STRN3: variants seen among roughly 807,000 people sequenced by gnomAD.
STRN3 encodes the protein striatin 3, also known as striatin-3.
A neutral mutation model predicts 95.6 loss-of-function variants in STRN3; 29 were observed. The observed-to-expected ratio is 0.30, with a 90% confidence interval of 0.23 to 0.41. STRN3 has a LOEUF of 0.41. Among genes scored for constraint, STRN3 ranks in the 10% least tolerant of loss-of-function variants. The pLI is 1.00. For missense variants in STRN3, 890 were observed against 972.1 expected, an observed-to-expected ratio of 0.92 and a Z score of 1.12; for synonymous variants, 331 against 357.6, an observed-to-expected ratio of 0.93 and a Z score of 0.84.
intron 1 of STRN3, among the ~76,000 whole-genome samples, chr14:30,992,441 G>GT (rs1362972521): frequency 6.6e-6 from 1 of 150,988 alleles, no homozygotes; most frequent in African/African-American, 2.4e-5. Flanking sequence ...AGAAAAAGAA[G>GT]TAAGTGTCTT....
In STRN3 at chr14:31,001,991, C is replaced by T. The variant is rs140687785; in HGVS notation, c.282+23913G>A. ...ACCAGCCTGACCAACATGGAGAAAC[C>T]CCATCTCTACTAAAAATACAAAAAA... On this transcript the variant is annotated intron_variant, in intron 1 of 17. Coordinates refer to ENST00000357479, the MANE Select transcript of STRN3 (RefSeq NM_001083893.2). Among the ~76,000 whole-genome samples, 781 of 151,282 alleles carry T rather than the reference C, an allele frequency of 5.2e-3. 3 individuals are homozygous for T. Among genetic ancestry groups the T allele is most frequent in the African/African-American group, 0.018 (724 of 41,148 alleles).
At chr14:30,985,983 TTCTC>T (rs375816763) in intron 1 of STRN3, among the ~76,000 whole-genome samples, 15 of 151,454 alleles carry the variant, frequency 9.9e-5, no homozygotes, top group Admixed American at 2.0e-4. Context: ...TGCATGCGCT[TTCTC>T]TCTCTCTCTC....
At chr14:30,935,046 T>TG in intron 7 of STRN3, 117 bp downstream of exon 7, 1 of 1,349,292 alleles carries the variant, frequency 7.4e-7, no homozygotes, top group Admixed American at 2.5e-5. Flanking sequence ...CACTTCCCCT[T>TG]GCTCTCCGTT....
At chr14:30,981,391 A>G (rs1487418537) in intron 1 of STRN3, among the ~76,000 whole-genome samples, 1 of 152,210 alleles carries the variant, frequency 6.6e-6, no homozygotes, top group Non-Finnish European at 1.5e-5. Context: ...AAAATTATTC[A>G]TGTGTATTCA....
chr14:30,907,819 AT>A (rs1336853768), intron 13 of STRN3, among the ~76,000 whole-genome samples: 1 of 152,166 alleles, frequency 6.6e-6, no homozygotes, highest in East Asian at 1.9e-4. Context: ...ACTGACAGAC[AT>A]TTGACAGCTG....
intron 1 of STRN3, among the ~76,000 whole-genome samples, chr14:30,978,222 C>CG (rs1881210246): frequency 6.6e-6 from 1 of 152,078 alleles, no homozygotes; most frequent in Non-Finnish European, 1.5e-5. Context: ...AAACGACAAA[C>CG]ATATCTCTCA....
chr14:31,022,271 T>C (rs1471882203), intron 1 of STRN3, among the ~76,000 whole-genome samples: 4 of 150,482 alleles, frequency 2.7e-5, no homozygotes, highest in African/African-American at 9.8e-5. Context: ...TCCCAGCTAC[T>C]GGGGAGGCTG....
chr14:30,988,516 T>C (rs1319658505), intron 1 of STRN3, among the ~76,000 whole-genome samples: 1 of 152,136 alleles, frequency 6.6e-6, no homozygotes, highest in Non-Finnish European at 1.5e-5. Context: ...TTAAAGCATA[T>C]CAATGAATGG....
chr14:30,899,551 A>G (rs756565665), intron 16 of STRN3, among the ~76,000 whole-genome samples: 1 of 152,100 alleles, frequency 6.6e-6, no homozygotes, highest in East Asian at 1.9e-4. Context: ...AATAGATTCT[A>G]TTTTCCTTCC....
intron 16 of STRN3, among the ~76,000 whole-genome samples, chr14:30,898,131 C>T (rs1594404497): frequency 6.6e-6 from 1 of 152,136 alleles, no homozygotes; most frequent in East Asian, 1.9e-4. Context: ...CACACGACAC[C>T]ATGCCTGGCT....
Position 30,983,321 on chromosome 14 carries a change from T to C in STRN3, c.283-27079A>G, listed in dbSNP as rs570538797. ...ACTTTGGGAGGCTGAGGTGGGAGGA[T>C]CGCCTGAGGTCAGGAGTTCAAGACC... is the stretch of plus-strand genomic sequence containing the variant. On this transcript the variant is annotated intron_variant, in intron 1 of 17. Coordinates refer to ENST00000357479, the MANE Select transcript of STRN3 (RefSeq NM_001083893.2). Among the ~76,000 whole-genome samples, 10 of 152,226 alleles carry C rather than the reference T, an allele frequency of 6.6e-5. No individual in the cohort carries two copies. In the South Asian group the frequency reaches 2.1e-3, roughly 32 times the overall value.
intron 1 of STRN3, among the ~76,000 whole-genome samples, chr14:30,983,524 G>A (rs896675347): frequency 1.1e-4 from 17 of 152,328 alleles, no homozygotes; most frequent in Middle Eastern, 6.8e-3. Flanking sequence ...TAGCCTAGGC[G>A]ACAGAGCGAG....
chr14:31,025,773 A>G, intron 1 of STRN3, 131 bp downstream of exon 1: 1 of 1,298,196 alleles, frequency 7.7e-7, no homozygotes, highest in South Asian at 1.4e-5. Flanking sequence ...GACCATCACA[A>G]CCTGAGCAGC....
chr14:31,007,836 A>G (rs179712), intron 1 of STRN3, among the ~76,000 whole-genome samples: 96,699 of 151,998 alleles, frequency 0.64, 31,754 homozygotes, highest in Non-Finnish European at 0.73. Flanking sequence ...AAGTTACAGT[A>G]AGCTATGATC....
intron 1 of STRN3, among the ~76,000 whole-genome samples, chr14:31,005,009 G>C (rs1882649788): frequency 6.6e-6 from 1 of 152,046 alleles, no homozygotes; most frequent in South Asian, 2.1e-4. Context: ...GGTGAAAAGA[G>C]GAAAGGTATG....
chr14:30,952,034 C>T (rs749546252), intron 3 of STRN3, among the ~76,000 whole-genome samples: 1 of 151,936 alleles, frequency 6.6e-6, no homozygotes, highest in South Asian at 2.1e-4. Context: ...AAAAGGATCG[C>T]TTGAACCCAG....
At chr14:30,901,124 G>C (rs959998748) in intron 16 of STRN3, among the ~76,000 whole-genome samples, 5 of 152,068 alleles carry the variant, frequency 3.3e-5, no homozygotes, top group Non-Finnish European at 5.9e-5. Flanking sequence ...ATAGTTCAAA[G>C]GATTGATTTG....
chr14:31,013,779 C>T (rs1412785278), intron 1 of STRN3, among the ~76,000 whole-genome samples: 1 of 147,884 alleles, frequency 6.8e-6, no homozygotes, highest in African/African-American at 2.5e-5. Context: ...TCTGTAGAAA[C>T]GGGGGGGGTC....
At position 30,935,155 on chromosome 14, in the gene STRN3, CA is replaced by C; in HGVS notation, c.988+7del. On this transcript the variant is annotated splice_region_variant and intron_variant, in intron 7 of 17. Coordinates refer to ENST00000357479, the MANE Select transcript of STRN3 (RefSeq NM_001083893.2). ...TTCCTCCCACCCGGTATTTCTTTATCACCTTACCCCATTCTGTGCCATCCCC... is the reference window on the plus strand; with the variant it reads ...TTCCTCCCACCCGGTATTTCTTTATCCCTTACCCCATTCTGTGCCATCCCC... 6.2e-7 allele frequency: 1 copy of C among 1,611,588 alleles called. No homozygotes were observed. Among genetic ancestry groups the C allele is most frequent in the Middle Eastern group, 1.7e-4 (1 of 6,038 alleles).
Sources: gnomAD v4.1 joint callset for allele counts (sites outside exome capture counted in the v4.1 genomes callset) on GRCh38, gnomAD v4.1.1 for gene constraint, MANE v1.5 for transcripts, NCBI Gene and HGNC (gene_info 2026-07-23, HGNC 2026-07-21) for gene names.